NOD2: variants seen among roughly 807,000 people sequenced by gnomAD.
The protein encoded by NOD2 is nucleotide binding oligomerization domain containing 2.
In NOD2, 86 loss-of-function variants were observed where a neutral mutation model predicts 90.9. The observed-to-expected ratio is 0.95, with a 90% confidence interval of 0.79 to 1.13. The LOEUF is 1.13. NOD2 is among the 50% of genes most tolerant of loss of function. The probability of loss-of-function intolerance (pLI) is 0.00; values close to 1 mark genes in which losing one functional copy is unlikely to be tolerated. For synonymous variants in NOD2, 581 were observed against 554.6 expected, an observed-to-expected ratio of 1.05 and a Z score of -0.67; for missense variants, 1,238 against 1,283.8, an observed-to-expected ratio of 0.96 and a Z score of 0.55.
intron 5 of NOD2, 70 bp downstream of exon 5, chr16:50,716,740 G>A (rs950232385): frequency 2.6e-6 from 4 of 1,536,032 alleles, no homozygotes; most frequent in Non-Finnish European, 3.6e-6. Flanking sequence ...TGCAGCCTGG[G>A]AAGCTGTGAG....
intron 5 of NOD2, 106 bp from the exon 6 acceptor site, chr16:50,716,785 G>T (rs1964818235): frequency 3.4e-6 from 5 of 1,452,142 alleles, no homozygotes; most frequent in Non-Finnish European, 4.8e-6. Context: ...TGCATGATGG[G>T]GGGTGCAGGT....
In NOD2 at chr16:50,699,960, G is replaced by C; in HGVS notation, c.459+6G>C. On this transcript the variant is annotated splice_donor_region_variant and intron_variant, in intron 2 of 11. Transcript: ENST00000647318. ...TCTTCACACCGTCCCAGAGGGTGAG[G>C]CACTCCTGGTGTGCATCACAGAGTT... The C allele has an allele frequency of 6.2e-7, 1 of 1,600,646 alleles. No individual in the cohort carries two copies. The highest frequency in any genetic ancestry group is 8.5e-7 in the Non-Finnish European group (1 of 1,177,164).
intron 8 of NOD2, 138 bp downstream of exon 8, chr16:50,722,843 G>T: frequency 1.2e-6 from 1 of 839,528 alleles, no homozygotes; most frequent in Non-Finnish European, 2.0e-6. Context: ...AAAGACCATT[G>T]GATTTCAAGA....
At chr16:50,701,352 G>C (rs1167942909) in intron 2 of NOD2, among the ~76,000 whole-genome samples, 2 of 152,214 alleles carry the variant, frequency 1.3e-5, no homozygotes. Context: ...GAACATTTTA[G>C]TTTTTGTTTT....
chr16:50,718,571 A>G (rs1964903552), intron 6 of NOD2, among the ~76,000 whole-genome samples: 1 of 152,266 alleles, frequency 6.6e-6, no homozygotes. Flanking sequence ...ATTACCGTAT[A>G]TCATTGTAAT....
Position 50,710,838 on chromosome 16 carries a change from G to A in NOD2, c.846G>A (p.Leu282=), listed in dbSNP as rs144738371. The part of the protein sequence containing the change: ...GEAGSGKSTL[L]QRLHLLWAAG... ...CGGGCAGTGGCAAGAGCACGCTCCT[G>A]CAGCGGCTGCACTTGCTGTGGGCTG... Residue 282 remains leucine, a synonymous_variant, in exon 4 of 12, where the codon CTG becomes CTA. Transcript: ENST00000647318. The A allele has an allele frequency of 6.2e-7, 1 of 1,613,948 alleles. No homozygotes were observed. Among genetic ancestry groups the A allele is most frequent in the African/African-American group, 1.3e-5 (1 of 74,924 alleles).
At position 50,699,585 on chromosome 16, in the gene NOD2, G is replaced by A. The variant is rs1596825927; in HGVS notation, c.90G>A (p.Leu30=). The change falls in exon 2 of 12, where the codon CTG becomes CTA. Residue 30 remains leucine (L), a synonymous_variant. Transcript: ENST00000647318. ...CCCTGGAAGGCTTCGAGAGTGTCCT[G>A]GACTGGCTGCTGTCCTGGGAGGTCC... The part of the protein sequence containing the change: ...SGSLEGFESV[L]DWLLSWEVLS... The A allele has an allele frequency of 1.2e-6, 2 of 1,614,080 alleles. No homozygotes were observed. The highest frequency in any genetic ancestry group is 1.7e-6 in the Non-Finnish European group (2 of 1,179,984).
At chr16:50,722,763 G>A (rs2150833417) in intron 8 of NOD2, 58 bp downstream of exon 8, 4 of 1,485,836 alleles carry the variant, frequency 2.7e-6, no homozygotes, top group Non-Finnish European at 9.4e-7. Context: ...AGAGGGAGGA[G>A]CTGGGGCCAG....
Position 50,708,068 on chromosome 16 carries a change from C to T in NOD2, c.565+108C>T, listed in dbSNP as rs1156599968. ...ACATCCCATATGCTGGCAGTATAGC[C>T]TCCCTATGACTCAATTTCCTTGTTT... is the stretch of plus-strand genomic sequence containing the variant. On this transcript the variant is annotated intron_variant, in intron 3 of 11. Coordinates refer to ENST00000647318, the MANE Select transcript of NOD2 (RefSeq NM_001370466.1). 8 of 774,266 alleles carry T rather than the reference C, an allele frequency of 1.0e-5. 1 individual carries two copies. Among genetic ancestry groups the T allele is most frequent in the South Asian group, 2.8e-5 (2 of 71,078 alleles). The allele number at this position is 774,266 out of a possible 1,614,324, so 48.0% of individuals were successfully genotyped here.
intron 8 of NOD2, 147 bp from the exon 9 acceptor site, chr16:50,723,154 A>AT: frequency 1.6e-6 from 1 of 630,890 alleles, no homozygotes; most frequent in African/African-American, 1.9e-5. Flanking sequence ...AAAAAAAAAA[A>AT]GAAAAAAGAA....
In NOD2 at chr16:50,716,601, A is replaced by G. The variant is rs771795137; in HGVS notation, c.2396A>G (p.Asn799Ser). 6 of 1,614,042 alleles carry G rather than the reference A, an allele frequency of 3.7e-6. No individual in the cohort carries two copies. Among genetic ancestry groups the G allele is most frequent in the East Asian group, 2.2e-5 (1 of 44,900 alleles). The change falls in exon 5 of 12, where the codon AAT becomes AGT. Residue 799 changes from asparagine (N) to serine (S), a missense_variant. Around this residue, in one of 3 missense-constraint regions of NOD2, gnomAD observed 667 missense variants for 688.7 expected, o/e 0.97. Transcript: ENST00000647318. ...VCKALYLRDNNISDRGICKLI... is the reference protein window; with the variant it reads ...VCKALYLRDNSISDRGICKLI... The stretch of plus-strand genomic sequence containing the variant: ...TGTCTCTTTAGTTTGCGCGATAACA[A>G]TATCTCAGACCGAGGCATCTGCAAG...
At chr16:50,715,996 G>A (rs1964774257) in intron 4 of NOD2, among the ~76,000 whole-genome samples, 1 of 152,204 alleles carries the variant, frequency 6.6e-6, no homozygotes, top group Admixed American at 6.5e-5. Context: ...TGAGTTTTGG[G>A]AATGGTGCCC....
intron 4 of NOD2, chr16:50,715,492 T>A (rs1964748530): frequency 6.6e-6 from 1 of 151,978 alleles, no homozygotes; most frequent in South Asian, 2.1e-4. Context: ...TCTCGGCTCA[T>A]GCAAGCTCTG....
intron 9 of NOD2, among the ~76,000 whole-genome samples, chr16:50,725,087 C>T (rs1219739799): frequency 6.6e-6 from 1 of 152,208 alleles, no homozygotes; most frequent in Non-Finnish European, 1.5e-5. Flanking sequence ...CCCCACCTGT[C>T]GACTTCCCCT....
chr16:50,718,836 G>A (rs1316715027), intron 6 of NOD2, among the ~76,000 whole-genome samples: 1 of 152,206 alleles, frequency 6.6e-6, no homozygotes, highest in Non-Finnish European at 1.5e-5. Flanking sequence ...CACTCAGCTT[G>A]TTTCTCCTTA....
intron 2 of NOD2, among the ~76,000 whole-genome samples, chr16:50,704,891 A>G (rs1188935904): frequency 2.0e-5 from 3 of 152,248 alleles, no homozygotes; most frequent in Non-Finnish European, 2.9e-5. Context: ...TAAAATTTCA[A>G]TTATGTGCCT....
chr16:50,719,985 C>T lies in NOD2; in HGVS notation c.2610C>T (p.Gly870=), dbSNP rs1233660431. ...GAQVLAEGLR[G]NTSLQFLGFW... Reference sequence around the variant, plus strand: ...AAGTGCTGGCCGAGGGGCTCCGAGGCAACACCTCCTTGCAGTTCCTGGGGT... The same window carrying T: ...AAGTGCTGGCCGAGGGGCTCCGAGGTAACACCTCCTTGCAGTTCCTGGGGT... Residue 870 remains glycine (G), a synonymous_variant, in exon 7 of 12, where the codon GGC becomes GGT. Transcript: ENST00000647318. 1 of 1,614,164 alleles carries T rather than the reference C, an allele frequency of 6.2e-7. No individual in the cohort carries two copies. Among genetic ancestry groups the T allele is most frequent in the East Asian group, 2.2e-5 (1 of 44,874 alleles).
chr16:50,719,807 C>A, intron 6 of NOD2, 118 bp from the exon 7 acceptor site: 1 of 888,720 alleles, frequency 1.1e-6, no homozygotes, highest in Non-Finnish European at 1.9e-6. Context: ...GATGTGGCTG[C>A]TGCCTCCCGG....
intron 2 of NOD2, among the ~76,000 whole-genome samples, chr16:50,705,694 CTT>C (rs1434433650): frequency 1.3e-5 from 2 of 152,158 alleles, no homozygotes; most frequent in Non-Finnish European, 2.9e-5. Context: ...TTCCAGAGCC[CTT>C]TACAGATCCT....
Sources: allele counts gnomAD v4.1 joint callset (sites outside exome capture counted in the v4.1 genomes callset), GRCh38; gene constraint gnomAD v4.1.1; regional missense constraint gnomAD v4.1.1; transcripts MANE v1.5; gene names NCBI Gene and HGNC (gene_info 2026-07-23, HGNC 2026-07-21).